C8orf34: variants seen among roughly 807,000 people sequenced by gnomAD.
The protein encoded by C8orf34 is uncharacterized protein C8orf34.
C8orf34 carries 65 observed loss-of-function variants against 68.3 expected under a neutral mutation model. That is an observed-to-expected ratio of 0.95 (90% CI 0.78 to 1.17). The LOEUF is 1.17. Among genes scored for constraint, C8orf34 ranks in the 50% most tolerant of loss-of-function variants. The probability of loss-of-function intolerance (pLI) is 0.00; values close to 1 mark genes in which losing one functional copy is unlikely to be tolerated. For missense variants in C8orf34, 664 were observed against 655.4 expected (o/e 1.01, Z -0.14); for synonymous variants, 244 against 241.2 (o/e 1.01, Z -0.11).
At chr8:68,642,126 G>A (rs755119863) in intron 8 of C8orf34, among the ~76,000 whole-genome samples, 15 of 152,140 alleles carry the variant, frequency 9.9e-5, no homozygotes, top group Admixed American at 5.9e-4. Flanking sequence ...GGCAGCATAG[G>A]TTGACAGTCT....
intron 7 of C8orf34, among the ~76,000 whole-genome samples, chr8:68,547,905 G>A (rs1277938861): frequency 1.3e-5 from 2 of 151,606 alleles, no homozygotes; most frequent in Non-Finnish European, 3.0e-5. Context: ...ACACATATGT[G>A]GTCAATTAGT....
intron 7 of C8orf34, among the ~76,000 whole-genome samples, chr8:68,628,237 T>G (rs935364783): frequency 6.6e-6 from 1 of 152,170 alleles, no homozygotes; most frequent in East Asian, 1.9e-4. Flanking sequence ...TATTTTGTTC[T>G]TATTATTTAT....
intron 11 of C8orf34, among the ~76,000 whole-genome samples, chr8:68,778,907 TG>T (rs1190430272): frequency 2.0e-5 from 3 of 152,180 alleles, no homozygotes; most frequent in African/African-American, 7.2e-5. Context: ...CTCAAGCTTG[TG>T]GCTCATGCCT....
At chr8:68,750,452 G>A (rs1360464955) in intron 10 of C8orf34, among the ~76,000 whole-genome samples, 8 of 151,918 alleles carry the variant, frequency 5.3e-5, no homozygotes, top group South Asian at 2.1e-4. Flanking sequence ...GGCCAGGGAG[G>A]AAAGAAAAAA....
At chr8:68,489,891 A>G (rs1360762966) in intron 5 of C8orf34, among the ~76,000 whole-genome samples, 2 of 152,240 alleles carry the variant, frequency 1.3e-5, no homozygotes, top group Non-Finnish European at 2.9e-5. Flanking sequence ...AAAAAATATA[A>G]TTTATGAATA....
chr8:68,399,122 G>C (rs1808843003), intron 1 of C8orf34, among the ~76,000 whole-genome samples: 1 of 152,064 alleles, frequency 6.6e-6, no homozygotes, highest in Non-Finnish European at 1.5e-5. Context: ...GTCAGTGCCA[G>C]TTAGTCCTAA....
chr8:68,530,876 CAT>C (rs1448682720), intron 6 of C8orf34, among the ~76,000 whole-genome samples: 2 of 152,188 alleles, frequency 1.3e-5, no homozygotes, highest in Middle Eastern at 3.4e-3. Context: ...ATATTGCCAA[CAT>C]GTGTATGTTT....
At chr8:68,671,150 C>T (rs527982758) in intron 8 of C8orf34, among the ~76,000 whole-genome samples, 55 of 152,162 alleles carry the variant, frequency 3.6e-4, no homozygotes, top group African/African-American at 1.1e-3. Flanking sequence ...TGAGTTAAGG[C>T]GGAAAATATG....
rs1329786428 is a variant in C8orf34, at chr8:68,818,735, A to C, written c.*489A>C. The C allele has an allele frequency of 1.3e-5, 2 of 153,074 alleles. No homozygotes were observed. The highest frequency in any genetic ancestry group is 1.3e-4 in the Admixed American group (2 of 15,402). The allele number at this position is 153,074 out of a possible 1,614,324, so 9.5% of individuals were successfully genotyped here. Reference sequence around the variant, plus strand: ...TGTTTGGTATCATCACCTGCCATACATGTTGTGTGCAGCAGTGAGAAGTAT... The same window carrying C: ...TGTTTGGTATCATCACCTGCCATACCTGTTGTGTGCAGCAGTGAGAAGTAT... On this transcript the variant is annotated 3_prime_UTR_variant, in exon 14 of 14. Transcript: ENST00000518698.
chr8:68,376,786 T>C (rs1028957345), intron 1 of C8orf34, among the ~76,000 whole-genome samples: 9 of 152,098 alleles, frequency 5.9e-5, no homozygotes, highest in African/African-American at 1.9e-4. Flanking sequence ...TGACATTGAG[T>C]AGTCAGTGGA....
In C8orf34 at chr8:68,464,530, C is replaced by A. The variant is rs932934952; in HGVS notation, c.608-4162C>A. 8.6e-5 allele frequency among the ~76,000 whole-genome samples: 13 copies of A among 152,046 alleles called. 1 individual carries two copies. In the South Asian group the frequency reaches 2.5e-3, roughly 29 times the overall value. ...CAAAAGAACAAAGCTGGAGGCATCA[C>A]GCTACCTGACTTCAAACTATACTAC... On this transcript the variant is annotated intron_variant, in intron 3 of 13. Coordinates refer to ENST00000518698, the MANE Select transcript of C8orf34 (RefSeq NM_052958.4).
chr8:68,567,669 A>G (rs1249629603), intron 7 of C8orf34, among the ~76,000 whole-genome samples: 2 of 126,984 alleles, frequency 1.6e-5, no homozygotes, highest in East Asian at 2.3e-4. Context: ...ATCTCGGCTC[A>G]CTGCAAATTC....
chr8:68,742,221 C>T (rs1383194495), intron 10 of C8orf34, among the ~76,000 whole-genome samples: 1 of 152,206 alleles, frequency 6.6e-6, no homozygotes, highest in Non-Finnish European at 1.5e-5. Flanking sequence ...CGGCCAGTCC[C>T]TGAACAGTGC....
chr8:68,605,310 T>C (rs930073520), intron 7 of C8orf34, among the ~76,000 whole-genome samples: 1 of 152,138 alleles, frequency 6.6e-6, no homozygotes, highest in African/African-American at 2.4e-5. Flanking sequence ...CAGTTTCTTA[T>C]AAAACTAAAT....
At chr8:68,755,909 A>G (rs1822842087) in intron 10 of C8orf34, among the ~76,000 whole-genome samples, 1 of 151,796 alleles carries the variant, frequency 6.6e-6, no homozygotes, top group Admixed American at 6.6e-5. Flanking sequence ...AAATACAAAA[A>G]AAAAAAAATT....
intron 10 of C8orf34, 66 bp from the exon 11 acceptor site, chr8:68,776,333 C>G (rs1018648857): frequency 8.0e-7 from 1 of 1,248,388 alleles, no homozygotes; most frequent in Admixed American, 1.7e-5. Flanking sequence ...CCACTCTCCA[C>G]GATTCTTTCA....
chr8:68,563,739 A>G (rs762348537), intron 7 of C8orf34, among the ~76,000 whole-genome samples: 3 of 152,190 alleles, frequency 2.0e-5, no homozygotes, highest in Non-Finnish European at 2.9e-5. Flanking sequence ...TTAGATAAAT[A>G]AAGCAAAGTT....
rs545336047 is a variant in C8orf34, at chr8:68,461,625, G to A, written c.608-7067G>A. On this transcript the variant is annotated intron_variant, in intron 3 of 13. Transcript: ENST00000518698. The stretch of plus-strand genomic sequence containing the variant: ...AAACTCTACAAGCCAGAAGAGAGTG[G>A]GGGCCAATATTCAACATTGTTAAAG... Among the ~76,000 whole-genome samples, 325 of 152,288 alleles carry A rather than the reference G, an allele frequency of 2.1e-3. 1 individual carries two copies. Among genetic ancestry groups the A allele is most frequent in the African/African-American group, 7.0e-3 (292 of 41,562 alleles).
At chr8:68,441,363 A>G (rs1179132827) in intron 2 of C8orf34, among the ~76,000 whole-genome samples, 1 of 152,100 alleles carries the variant, frequency 6.6e-6, no homozygotes, top group Non-Finnish European at 1.5e-5. Context: ...AGCTACTCTC[A>G]TCTCCTAGGT....
Sources: gnomAD v4.1 joint callset for allele counts (sites outside exome capture counted in the v4.1 genomes callset) on GRCh38, gnomAD v4.1.1 for gene constraint, MANE v1.5 for transcripts, NCBI Gene and HGNC (gene_info 2026-07-23, HGNC 2026-07-21) for gene names.